HIVEP3: variants seen among roughly 807,000 people sequenced by gnomAD.
HIVEP3 encodes HIVEP zinc finger 3.
Under a neutral mutation model 152.8 loss-of-function variants are expected in HIVEP3, and 49 were observed. The ratio of observed to expected loss-of-function variants is 0.32; its 90% CI spans 0.26 to 0.41. HIVEP3 has a LOEUF of 0.41. HIVEP3 is among the 10% of genes least tolerant of loss of function. The probability of loss-of-function intolerance (pLI) is 1.00; values close to 1 mark genes in which losing one functional copy is unlikely to be tolerated. For missense variants in HIVEP3, 2,790 were observed against 3,103.3 expected (o/e 0.90, Z 2.40); for synonymous variants, 1,269 against 1,289.0 (o/e 0.98, Z 0.33).
At chr1:41,998,555 A>G (rs1285095099) in intron 1 of HIVEP3, among the ~76,000 whole-genome samples, 1 of 152,222 alleles carries the variant, frequency 6.6e-6, no homozygotes, top group Non-Finnish European at 1.5e-5. Context: ...CACACAGCAG[A>G]TATTTAATAT....
At chr1:41,924,160 G>A (rs573760484) in intron 1 of HIVEP3, among the ~76,000 whole-genome samples, 30 of 152,278 alleles carry the variant, frequency 2.0e-4, no homozygotes, top group South Asian at 8.3e-4. Context: ...AGAGGGCAAC[G>A]TGACTACAGC....
chr1:41,777,855 T>C (rs192837170), intron 1 of HIVEP3, among the ~76,000 whole-genome samples: 66 of 152,338 alleles, frequency 4.3e-4, no homozygotes, highest in South Asian at 1.2e-3. Context: ...GCGCAGATGT[T>C]GCTAATGGAA....
At chr1:41,844,065 C>A (rs1479065243) in intron 1 of HIVEP3, among the ~76,000 whole-genome samples, 7 of 152,290 alleles carry the variant, frequency 4.6e-5, no homozygotes, top group Non-Finnish European at 7.3e-5. Flanking sequence ...CCTCTCATTG[C>A]CTGCTTCACC....
chr1:41,649,616 G>T (rs1042691217), intron 2 of HIVEP3, among the ~76,000 whole-genome samples: 1 of 152,176 alleles, frequency 6.6e-6, no homozygotes, highest in Non-Finnish European at 1.5e-5. Flanking sequence ...AAGACTAGGA[G>T]ATGATGCAAT....
chr1:41,710,084 G>A (rs896542175), intron 1 of HIVEP3, among the ~76,000 whole-genome samples: 3 of 152,160 alleles, frequency 2.0e-5, no homozygotes, highest in African/African-American at 7.2e-5. Context: ...CTCTACTCAA[G>A]TTCAAGGCAG....
intron 1 of HIVEP3, among the ~76,000 whole-genome samples, chr1:41,769,832 G>C (rs1428439645): frequency 6.6e-6 from 1 of 152,208 alleles, no homozygotes; most frequent in East Asian, 1.9e-4. Context: ...GGGGAGAAGG[G>C]ACAACTCTTT....
At chr1:41,528,092 TCACACTCACACCC>T (rs1466763537) in intron 5 of HIVEP3, among the ~76,000 whole-genome samples, 2 of 98,422 alleles carry the variant, frequency 2.0e-5, no homozygotes, top group African/African-American at 4.1e-5. Context: ...CCTCACACCT[TCACACTCACACCC>T]CACCCTCACA....
At chr1:41,768,367 C>T (rs1326019396) in intron 1 of HIVEP3, among the ~76,000 whole-genome samples, 3 of 152,192 alleles carry the variant, frequency 2.0e-5, no homozygotes, top group Non-Finnish European at 2.9e-5. Flanking sequence ...GACCTGACCC[C>T]GTGATTCAAT....
At chr1:41,624,955 G>C (rs1645095575) in intron 3 of HIVEP3, among the ~76,000 whole-genome samples, 1 of 152,116 alleles carries the variant, frequency 6.6e-6, no homozygotes, top group South Asian at 2.1e-4. Flanking sequence ...CACAAGGTCA[G>C]GAGTTTGAGA....
chr1:41,874,797 G>A (rs1346937804), intron 1 of HIVEP3, among the ~76,000 whole-genome samples: 1 of 152,094 alleles, frequency 6.6e-6, no homozygotes, highest in Non-Finnish European at 1.5e-5. Context: ...TTTAGTTAGC[G>A]GTCTCCAAGT....
intron 1 of HIVEP3, among the ~76,000 whole-genome samples, chr1:42,013,696 AC>A (rs1282928616): frequency 3.3e-5 from 5 of 152,192 alleles, no homozygotes; most frequent in African/African-American, 1.2e-4. Context: ...GCTGGGTCAA[AC>A]CCATAGCAGT....
intron 3 of HIVEP3, among the ~76,000 whole-genome samples, chr1:41,599,452 G>GAAGTTGTTCTTCAACTTCAACAAAGA (rs1399329842): frequency 6.6e-6 from 1 of 152,132 alleles, no homozygotes; most frequent in Admixed American, 6.5e-5. Flanking sequence ...GTTCAACAAA[G>GAAGTTGTTCTTCAACTTCAACAAAGA]ACTCTAATAA....
At chr1:41,656,247 T>C (rs1235316151) in intron 2 of HIVEP3, among the ~76,000 whole-genome samples, 1 of 152,178 alleles carries the variant, frequency 6.6e-6, no homozygotes, top group Non-Finnish European at 1.5e-5. Context: ...TTCACTTCCT[T>C]ACTGTATTCA....
At chr1:41,790,855 GC>G (rs1179749782) in intron 1 of HIVEP3, among the ~76,000 whole-genome samples, 1 of 151,858 alleles carries the variant, frequency 6.6e-6, no homozygotes, top group Admixed American at 6.6e-5. Context: ...CTCCCTCATG[GC>G]CCCATGGACA....
chr1:42,031,121 T>A (rs1645610220), intron 1 of HIVEP3, among the ~76,000 whole-genome samples: 1 of 152,138 alleles, frequency 6.6e-6, no homozygotes, highest in Admixed American at 6.5e-5. Context: ...TTTGAAAAAT[T>A]CCCTAGAACT....
At chr1:41,654,953 C>A (rs1645607201) in intron 2 of HIVEP3, among the ~76,000 whole-genome samples, 2 of 152,142 alleles carry the variant, frequency 1.3e-5, no homozygotes, top group African/African-American at 4.8e-5. Context: ...GGAGATAATA[C>A]CTTCTAGCTT....
intron 2 of HIVEP3, among the ~76,000 whole-genome samples, chr1:41,691,362 C>T (rs1344480515): frequency 6.6e-6 from 1 of 152,208 alleles, no homozygotes; most frequent in African/African-American, 2.4e-5. Flanking sequence ...TAAATCCTGA[C>T]TCAGATAACT....
chr1:41,708,277 G>T (rs1425513395), intron 1 of HIVEP3, among the ~76,000 whole-genome samples: 2 of 152,210 alleles, frequency 1.3e-5, no homozygotes, highest in Non-Finnish European at 2.9e-5. Flanking sequence ...TCTCTGCTCT[G>T]TCTCTGGGTC....
intron 1 of HIVEP3, among the ~76,000 whole-genome samples, chr1:41,776,515 T>C (rs768985909): frequency 2.6e-5 from 4 of 152,244 alleles, no homozygotes; most frequent in Non-Finnish European, 5.9e-5. Context: ...GTCTGTCTGC[T>C]TATGAAAGGT....
Sources: allele counts gnomAD v4.1 joint callset (sites outside exome capture counted in the v4.1 genomes callset), GRCh38; gene constraint gnomAD v4.1.1; transcripts MANE v1.5; gene names NCBI Gene and HGNC (gene_info 2026-07-23, HGNC 2026-07-21).